The following DGKE variants were observed in gnomAD, a reference collection of about 807,000 sequenced individuals.
DGKE encodes diacylglycerol kinase epsilon, also known as DAG kinase epsilon.
A neutral mutation model predicts 70.0 loss-of-function variants in DGKE; 53 were observed. The ratio of observed to expected loss-of-function variants is 0.76; its 90% CI spans 0.61 to 0.95. DGKE has a LOEUF of 0.95. Among genes scored for constraint, DGKE ranks in the 40% least tolerant of loss-of-function variants. DGKE has a pLI of 0.00. For missense variants in DGKE, 655 were observed against 706.9 expected (o/e 0.93, Z 0.83); for synonymous variants, 291 against 257.0 (o/e 1.13, Z -1.27).
intron 6 of DGKE, 126 bp from the exon 7 acceptor site, chr17:56,849,055 G>A: frequency 2.5e-6 from 3 of 1,188,230 alleles, no homozygotes; most frequent in Non-Finnish European, 3.5e-6. Context: ...CCCTAAATTT[G>A]CATGCTCATA....
chr17:56,846,809 CTTT>C (rs1800699373), intron 4 of DGKE, among the ~76,000 whole-genome samples: 1 of 152,072 alleles, frequency 6.6e-6, no homozygotes. Context: ...CATCAGTTCT[CTTT>C]TTTCTTGTTC....
chr17:56,856,592 A>G lies in DGKE; in HGVS notation c.1179A>G (p.Ala393=), dbSNP rs370259199. 39 of 1,613,706 alleles carry G rather than the reference A, an allele frequency of 2.4e-5. No homozygotes were observed. Among genetic ancestry groups the G allele is most frequent in the Middle Eastern group, 1.6e-4 (1 of 6,082 alleles). Residue 393 remains alanine, a synonymous_variant, in exon 8 of 12, where the codon GCA becomes GCG. Coordinates refer to ENST00000284061, the MANE Select transcript of DGKE (RefSeq NM_003647.3). Reference sequence around the variant, plus strand: ...ATTTTCATGCTCATCGTGAGAAGGCACCATCTCTGTTTTCTAGCAGAATTC... The same window carrying G: ...ATTTTCATGCTCATCGTGAGAAGGCGCCATCTCTGTTTTCTAGCAGAATTC... The part of the protein sequence containing the change: ...ALNFHAHREK[A]PSLFSSRILN...
chr17:56,867,150 G>C lies in DGKE; in HGVS notation c.*4359G>C, dbSNP rs1037781436. The C allele has an allele frequency of 1.3e-5, 2 of 152,160 alleles. No individual in the cohort carries two copies. Among genetic ancestry groups the C allele is most frequent in the African/African-American group, 2.4e-5 (1 of 41,440 alleles). The allele number at this position is 152,160 out of a possible 1,614,324, so 9.4% of individuals were successfully genotyped here. ...CCTGTGTAGTCAGTGCATGAGGCTT[G>C]CATAGCCCAGAAAGGTACATTCCAG... On this transcript the variant is annotated 3_prime_UTR_variant, in exon 12 of 12. Transcript: ENST00000284061.
At chr17:56,850,809 A>G (rs1907601739) in intron 7 of DGKE, among the ~76,000 whole-genome samples, 1 of 152,212 alleles carries the variant, frequency 6.6e-6, no homozygotes, top group Non-Finnish European at 1.5e-5. Flanking sequence ...AAACCAAGAA[A>G]GAAACCAGTT....
rs1248049569 is a variant in DGKE, at chr17:56,861,880, A to G, written c.1374A>G (p.Leu458=). The part of the protein sequence containing the change: ...NIGYWGGGCR[L]WEGMGDETYP... The stretch of plus-strand genomic sequence containing the variant: ...GATACTGGGGCGGTGGCTGCAGACT[A>G]TGGGAAGGGATGGGGGACGAGACTT... Residue 458 remains leucine (L), a synonymous_variant, in exon 10 of 12, where the codon CTA becomes CTG. Transcript: ENST00000284061. The G allele has an allele frequency of 7.4e-6, 12 of 1,613,430 alleles. No homozygotes were observed. Among genetic ancestry groups the G allele is most frequent in the Admixed American group, 1.7e-5 (1 of 59,742 alleles).
At chr17:56,861,758 C>A in intron 9 of DGKE, 33 bp from the exon 10 acceptor site, 1 of 1,607,832 alleles carries the variant, frequency 6.2e-7, no homozygotes, top group South Asian at 1.1e-5. Flanking sequence ...ATTGTGTATC[C>A]TGTAGTCACT....
rs372252337 is a variant in DGKE at position 56,850,990 on chromosome 17, C to G, written c.1098+1758C>G. ...GTCCTTAAAAAAAGCAAAGGACTTT[C>G]CAGGCAGAGGGAAAAGAGATGAGAG... On this transcript the variant is annotated intron_variant, in intron 7 of 11. Coordinates refer to ENST00000284061, the MANE Select transcript of DGKE (RefSeq NM_003647.3). Among the ~76,000 whole-genome samples the G allele has an allele frequency of 2.6e-4, 39 of 152,178 alleles. No individual in the cohort carries two copies. The East Asian group carries it at 4.8e-3, about 19-fold the overall frequency.
intron 9 of DGKE, among the ~76,000 whole-genome samples, chr17:56,860,070 G>C (rs758701750): frequency 6.6e-6 from 1 of 152,126 alleles, no homozygotes; most frequent in South Asian, 2.1e-4. Context: ...ATAAAATAAA[G>C]ACTTTTATTT....
rs150196944 is a variant in DGKE, at chr17:56,863,975, A to G, written c.*1184A>G. The G allele has an allele frequency of 2.6e-5, 4 of 152,368 alleles. No individual in the cohort carries two copies. The highest frequency in any genetic ancestry group is 7.2e-5 in the African/African-American group (3 of 41,592). The allele number at this position is 152,368 out of a possible 1,614,324, so 9.4% of individuals were successfully genotyped here. A position where few individuals can be genotyped will look rare whatever the true frequency, so the allele number is the denominator to read the frequency against. Reference sequence around the variant, plus strand: ...AATTTAATTCTCCTGACAGAAATCTAGATATTCTTATTCTTCACAAATATT... The same window carrying G: ...AATTTAATTCTCCTGACAGAAATCTGGATATTCTTATTCTTCACAAATATT... On this transcript the variant is annotated 3_prime_UTR_variant, in exon 12 of 12. Coordinates refer to ENST00000284061, the MANE Select transcript of DGKE (RefSeq NM_003647.3).
chr17:56,846,148 G>A (rs1825701722), intron 4 of DGKE: 1 of 162,984 alleles, frequency 6.1e-6, no homozygotes, highest in African/African-American at 2.4e-5. Context: ...CATGATAGCT[G>A]AAAAGCATAA....
At chr17:56,861,049 G>A (rs926064579) in intron 9 of DGKE, among the ~76,000 whole-genome samples, 1 of 152,186 alleles carries the variant, frequency 6.6e-6, no homozygotes, top group African/African-American at 2.4e-5. Context: ...TAAAGCTAGA[G>A]GCAGATAGGC....
chr17:56,851,482 G>T (rs974448999), intron 7 of DGKE, among the ~76,000 whole-genome samples: 2 of 152,144 alleles, frequency 1.3e-5, no homozygotes, highest in African/African-American at 4.8e-5. Flanking sequence ...AAATTAACAC[G>T]TACCAATATT....
At chr17:56,851,580 A>G (rs1042383414) in intron 7 of DGKE, among the ~76,000 whole-genome samples, 2 of 152,218 alleles carry the variant, frequency 1.3e-5, no homozygotes, top group African/African-American at 2.4e-5. Context: ...TTTGGATGCA[A>G]AGTTCACAGT....
At position 56,864,335 on chromosome 17, in the gene DGKE, CTG is replaced by C. The variant is rs1908443501; in HGVS notation, c.*1546_*1547del. The C allele has an allele frequency of 6.6e-6, 1 of 152,362 alleles. No homozygotes were observed. The highest frequency in any genetic ancestry group is 1.9e-4 in the East Asian group (1 of 5,186). The allele number at this position is 152,362 out of a possible 1,614,324, so 9.4% of individuals were successfully genotyped here. On this transcript the variant is annotated 3_prime_UTR_variant, in exon 12 of 12. Transcript: ENST00000284061. ...CTATCTTTGAGGGTCTATTATGAAT[CTG>C]TCATCCATGAATTGCCATAAACCTA... is the stretch of plus-strand genomic sequence containing the variant.
chr17:56,848,772 GGGGTACA>G lies in DGKE; in HGVS notation c.968_974del (p.Gly323ValfsTer15). 1 of 1,614,186 alleles carries G rather than the reference GGGGTACA, an allele frequency of 6.2e-7. No homozygotes were observed. The highest frequency in any genetic ancestry group is 8.5e-7 in the Non-Finnish European group (1 of 1,180,022). On this transcript the variant is annotated frameshift_variant, in exon 6 of 12. Transcript: ENST00000284061. LOFTEE classifies it high-confidence loss of function. The stretch of plus-strand genomic sequence containing the variant: ...AACGATCTATCCAATACATTGGGTT[GGGGTACA>G]GGTTATGCTGGAGAAATTCCAGTTG...
At chr17:56,841,836 G>C (rs567341663) in intron 2 of DGKE, among the ~76,000 whole-genome samples, 1 of 151,988 alleles carries the variant, frequency 6.6e-6, no homozygotes, top group East Asian at 1.9e-4. Context: ...TTTGTTTTTT[G>C]AGATGAAATC....
chr17:56,861,383 A>G (rs1179740049), intron 9 of DGKE, among the ~76,000 whole-genome samples: 1 of 152,212 alleles, frequency 6.6e-6, no homozygotes, highest in Non-Finnish European at 1.5e-5. Flanking sequence ...GTCCATGGAC[A>G]TGTTTTATGG....
At chr17:56,836,964 A>G (rs908862572) in intron 2 of DGKE, among the ~76,000 whole-genome samples, 3 of 150,826 alleles carry the variant, frequency 2.0e-5, no homozygotes, top group African/African-American at 7.3e-5. Flanking sequence ...TCCTTCAGGA[A>G]CTCTTACCTG....
At position 56,858,816 on chromosome 17, in the gene DGKE, A is replaced by G. The variant is rs182707014; in HGVS notation, c.1284+151A>G. 3,724 of 553,616 alleles carry G rather than the reference A, an allele frequency of 6.7e-3. 20 individuals carry two copies. The highest frequency in any genetic ancestry group is 9.3e-3 in the Non-Finnish European group (2,983 of 319,286). 34.3% of individuals were successfully genotyped at this position (553,616 alleles called of 1,614,324 possible). A position where few individuals can be genotyped will look rare whatever the true frequency, so the allele number is the denominator to read the frequency against. ...TGCCAGGCACTTTGCTACATGCTTT[A>G]TACACATTGTCCCTCTAAATTCTCT... is the stretch of plus-strand genomic sequence containing the variant. On this transcript the variant is annotated intron_variant, in intron 9 of 11. Coordinates refer to ENST00000284061, the MANE Select transcript of DGKE (RefSeq NM_003647.3).
Sources: allele counts gnomAD v4.1 joint callset (sites outside exome capture counted in the v4.1 genomes callset), GRCh38; gene constraint gnomAD v4.1.1; transcripts MANE v1.5; gene names NCBI Gene and HGNC (gene_info 2026-07-23, HGNC 2026-07-21).